Variants in AP3M2 observed in about 807,000 individuals in gnomAD.
AP3M2 encodes adaptor related protein complex 3 subunit mu 2.
AP3M2 carries 28 observed loss-of-function variants against 41.6 expected under a neutral mutation model. The observed-to-expected ratio is 0.67, with a 90% CI of 0.50 to 0.92. The LOEUF is 0.92. Ranked by LOEUF, AP3M2 falls within the 40% of genes least tolerant of loss-of-function variation. The probability of loss-of-function intolerance (pLI) is 0.00; values close to 1 mark genes in which losing one functional copy is unlikely to be tolerated. For missense variants in AP3M2, 427 were observed against 521.4 expected, an observed-to-expected ratio of 0.82 and a Z score of 1.76; for synonymous variants, 193 against 186.4, an observed-to-expected ratio of 1.04 and a Z score of -0.29.
At chr8:42,156,437 G>A (rs939664037) in intron 2 of AP3M2, among the ~76,000 whole-genome samples, 20 of 152,134 alleles carry the variant, frequency 1.3e-4, no homozygotes, top group Admixed American at 2.6e-4. Context: ...TGACAGGAGC[G>A]GCCCCGCAAT....
chr8:42,164,828 G>A (rs904388370), intron 4 of AP3M2, among the ~76,000 whole-genome samples: 5 of 152,078 alleles, frequency 3.3e-5, no homozygotes, highest in African/African-American at 9.7e-5. Context: ...TTTTATCACC[G>A]TTACCTCACC....
intron 2 of AP3M2, 25 bp downstream of exon 2, chr8:42,154,985 A>G (rs1804318479): frequency 6.3e-7 from 1 of 1,585,846 alleles, no homozygotes; most frequent in South Asian, 1.1e-5. Context: ...GAAAGTTCAT[A>G]TATGTAAACC....
At chr8:42,157,590 A>G (rs1413177735) in intron 2 of AP3M2, among the ~76,000 whole-genome samples, 1 of 152,022 alleles carries the variant, frequency 6.6e-6, no homozygotes, top group Non-Finnish European at 1.5e-5. Flanking sequence ...TTGTTATATC[A>G]AGTATTATTT....
In AP3M2 at chr8:42,165,941, A is replaced by C. The variant is rs1040251529; in HGVS notation, c.803+381A>C. Among the ~76,000 whole-genome samples, 6 of 152,360 alleles carry C rather than the reference A, an allele frequency of 3.9e-5. No individual in the cohort carries two copies. In the South Asian group the frequency reaches 1.2e-3, roughly 32 times the overall value. On this transcript the variant is annotated intron_variant, in intron 6 of 8. Transcript: ENST00000396926. ...TCTAAAAGAAGCATTAAGTTATGCT[A>C]TGAAAAAGCATAAAACGCAGTGATT...
intron 2 of AP3M2, among the ~76,000 whole-genome samples, chr8:42,156,291 C>CTTT (rs2150956969): frequency 6.6e-6 from 1 of 152,252 alleles, no homozygotes; most frequent in East Asian, 1.9e-4. Flanking sequence ...AGTAAATTTG[C>CTTT]TAATTTGGAA....
chr8:42,168,222 C>T (rs910391735), intron 8 of AP3M2: 7 of 458,130 alleles, frequency 1.5e-5, no homozygotes, highest in Non-Finnish European at 3.1e-5. Context: ...GCTCTTATTT[C>T]TATTTTGGAA....
In AP3M2 at chr8:42,165,568, G is replaced by C; in HGVS notation, c.803+8G>C. On this transcript the variant is annotated splice_region_variant and intron_variant, in intron 6 of 8. Transcript: ENST00000396926. ...CCATGTCAGTGCACAGAAGTAAGCA[G>C]CTCTTATAATTAAGAATGGAATCCG... 1 of 1,613,686 alleles carries C rather than the reference G, an allele frequency of 6.2e-7. No individual in the cohort carries two copies. Among genetic ancestry groups the C allele is most frequent in the Non-Finnish European group, 8.5e-7 (1 of 1,179,852 alleles).
At position 42,167,377 on chromosome 8, in the gene AP3M2, G is replaced by C; in HGVS notation, c.1011+6G>C. 1.9e-6 allele frequency: 3 copies of C among 1,613,370 alleles called. No individual in the cohort carries two copies. Among genetic ancestry groups the C allele is most frequent in the Non-Finnish European group, 2.5e-6 (3 of 1,179,316 alleles). ...CATTCGACCCAGTCACAAAGGTAGG[G>C]ATGAGCAGGACATCTTGAATTGCTG... On this transcript the variant is annotated splice_donor_region_variant and intron_variant, in intron 7 of 8. Transcript: ENST00000396926.
intron 5 of AP3M2, 53 bp downstream of exon 5, chr8:42,165,209 T>C: frequency 6.4e-7 from 1 of 1,566,430 alleles, no homozygotes; most frequent in Non-Finnish European, 8.8e-7. Context: ...TAAATGCTGC[T>C]GGAAAGACAG....
intron 1 of AP3M2, 148 bp from the exon 2 acceptor site, chr8:42,154,468 C>T (rs1007616199): frequency 8.8e-6 from 5 of 565,970 alleles, no homozygotes; most frequent in East Asian, 3.1e-5. Flanking sequence ...ATTATCGTTT[C>T]GAATTCAAGG....
At chr8:42,153,950 A>G (rs1013096567) in intron 1 of AP3M2, 4 of 152,238 alleles carry the variant, frequency 2.6e-5, no homozygotes, top group South Asian at 2.1e-4. Flanking sequence ...GTAATTGTAC[A>G]TGTTCTGGTA....
rs56858276 is a variant in AP3M2 at position 42,166,591 on chromosome 8, C to CAAAAAAAAAAAAAA, written c.804-567_804-554dup. ...GCAACATGGCCAAACCTTGTCTCTACAAAAAAAAAAAAAAAAAAAGTAAAA... is the reference window on the plus strand; with the variant it reads ...GCAACATGGCCAAACCTTGTCTCTACAAAAAAAAAAAAAAAAAAAAAAAAAAAAAAAAAGTAAAA... On this transcript the variant is annotated intron_variant, in intron 6 of 8. Transcript: ENST00000396926. 9.5e-4 allele frequency among the ~76,000 whole-genome samples: 73 copies of CAAAAAAAAAAAAAA among 77,062 alleles called. 2 individuals are homozygous for CAAAAAAAAAAAAAA. Among genetic ancestry groups the CAAAAAAAAAAAAAA allele is most frequent in the Middle Eastern group, 7.6e-3 (1 of 132 alleles). The allele number at this position is 77,062 out of a possible 152,430, so 50.6% of individuals were successfully genotyped here.
chr8:42,154,999 A>G (rs757499132), intron 2 of AP3M2, 39 bp downstream of exon 2: 1 of 1,558,182 alleles, frequency 6.4e-7, no homozygotes, highest in Non-Finnish European at 8.8e-7. Flanking sequence ...GTAAACCGTA[A>G]AGTGTCTTTG....
At position 42,165,063 on chromosome 8, in the gene AP3M2, T is replaced by C; in HGVS notation, c.584-8T>C. 1 of 1,611,820 alleles carries C rather than the reference T, an allele frequency of 6.2e-7. No individual in the cohort carries two copies. Among genetic ancestry groups the C allele is most frequent in the Non-Finnish European group, 8.5e-7 (1 of 1,178,940 alleles). On this transcript the variant is annotated splice_region_variant and splice_polypyrimidine_tract_variant and intron_variant, in intron 4 of 8. Transcript: ENST00000396926. ...ATCTGTGTTCTTTTTGTCTTATTCC[T>C]GTCTCAGGCTCCACAATTACTGCTG...
chr8:42,169,088 T>C lies in AP3M2; in HGVS notation c.*27T>C. 1 of 1,548,262 alleles carries C rather than the reference T, an allele frequency of 6.5e-7. No individual in the cohort carries two copies. The highest frequency in any genetic ancestry group is 8.8e-7 in the Non-Finnish European group (1 of 1,132,892). The stretch of plus-strand genomic sequence containing the variant: ...GGGAGCATTTGCTGAGGGAATAGTC[T>C]TGCACATTTTTTCATTTCTTACTTG... On this transcript the variant is annotated 3_prime_UTR_variant, in exon 9 of 9. Transcript: ENST00000396926.
chr8:42,156,392 C>G (rs1193960769), intron 2 of AP3M2, among the ~76,000 whole-genome samples: 1 of 152,132 alleles, frequency 6.6e-6, no homozygotes, highest in Non-Finnish European at 1.5e-5. Context: ...GATGTGCATC[C>G]TCTCCGGCAG....
intron 8 of AP3M2, among the ~76,000 whole-genome samples, chr8:42,168,673 A>G (rs1214129808): frequency 1.3e-5 from 2 of 152,156 alleles, no homozygotes; most frequent in African/African-American, 4.8e-5. Flanking sequence ...TTTGAGAAAA[A>G]TCATGCAGTG....
intron 2 of AP3M2, among the ~76,000 whole-genome samples, chr8:42,156,916 C>CA (rs1804369253): frequency 6.6e-6 from 1 of 152,150 alleles, no homozygotes; most frequent in Non-Finnish European, 1.5e-5. Flanking sequence ...CTGTTATGTA[C>CA]ACTTGCTCTG....
At position 42,167,373 on chromosome 8, in the gene AP3M2, T is replaced by C; in HGVS notation, c.1011+2T>C. ...CACACATTCGACCCAGTCACAAAGGTAGGGATGAGCAGGACATCTTGAATT... is the reference window on the plus strand; with the variant it reads ...CACACATTCGACCCAGTCACAAAGGCAGGGATGAGCAGGACATCTTGAATT... On this transcript the variant is annotated splice_donor_variant, in intron 7 of 8. Transcript: ENST00000396926. LOFTEE classifies it high-confidence loss of function. 6.2e-7 allele frequency: 1 copy of C among 1,613,524 alleles called. No homozygotes were observed. Among genetic ancestry groups the C allele is most frequent in the Non-Finnish European group, 8.5e-7 (1 of 1,179,574 alleles).
Sources: allele counts gnomAD v4.1 joint callset (sites outside exome capture counted in the v4.1 genomes callset), GRCh38; gene constraint gnomAD v4.1.1; transcripts MANE v1.5; gene names NCBI Gene and HGNC (gene_info 2026-07-23, HGNC 2026-07-21).